Variants in SPOCK1 observed in about 807,000 individuals in gnomAD.
SPOCK1 encodes SPARC (osteonectin), cwcv and kazal like domains proteoglycan 1.
A neutral mutation model predicts 55.3 loss-of-function variants in SPOCK1; 23 were observed. That is an observed-to-expected ratio of 0.42 (90% CI 0.30 to 0.59). The LOEUF is 0.59. Among genes scored for constraint, SPOCK1 ranks in the 20% least tolerant of loss-of-function variants. The pLI is 0.22. For synonymous variants in SPOCK1, 226 were observed against 221.0 expected, an observed-to-expected ratio of 1.02 and a Z score of -0.20; for missense variants, 499 against 552.5, an observed-to-expected ratio of 0.90 and a Z score of 0.97.
At chr5:137,097,933 C>T (rs1253746178) in intron 5 of SPOCK1, among the ~76,000 whole-genome samples, 4 of 152,116 alleles carry the variant, frequency 2.6e-5, no homozygotes, top group Non-Finnish European at 5.9e-5. Context: ...CCCACCTACC[C>T]GAGAGCAGAA....
chr5:137,377,161 C>T (rs549179470), intron 2 of SPOCK1, among the ~76,000 whole-genome samples: 1 of 152,310 alleles, frequency 6.6e-6, no homozygotes, highest in East Asian at 1.9e-4. Context: ...TTAATTGTAC[C>T]AGCACTTCCA....
intron 2 of SPOCK1, among the ~76,000 whole-genome samples, chr5:137,396,943 A>G (rs1246772860): frequency 2.0e-5 from 3 of 152,212 alleles, no homozygotes; most frequent in Non-Finnish European, 4.4e-5. Flanking sequence ...TTACGCGTTT[A>G]TACTTTGAAT....
chr5:137,035,579 G>C (rs1392388015), intron 6 of SPOCK1, among the ~76,000 whole-genome samples: 2 of 152,204 alleles, frequency 1.3e-5, no homozygotes, highest in Non-Finnish European at 2.9e-5. Flanking sequence ...TGGCCTGTCT[G>C]CCAGACCATC....
intron 3 of SPOCK1, among the ~76,000 whole-genome samples, chr5:137,254,053 CTG>C (rs1445687618): frequency 2.6e-5 from 4 of 152,200 alleles, no homozygotes; most frequent in Admixed American, 1.3e-4. Flanking sequence ...TCATTACAAA[CTG>C]GGAATTTCTC....
intron 2 of SPOCK1, among the ~76,000 whole-genome samples, chr5:137,456,199 A>C (rs997230681): frequency 2.0e-5 from 3 of 152,172 alleles, no homozygotes; most frequent in African/African-American, 7.2e-5. Flanking sequence ...AGCTGTCCAC[A>C]GTGTTTAATT....
chr5:137,032,605 C>T (rs147950705), intron 6 of SPOCK1, among the ~76,000 whole-genome samples: 92 of 152,114 alleles, frequency 6.0e-4, no homozygotes, highest in Middle Eastern at 3.4e-3. Context: ...ACGGTACTCA[C>T]GAGAAAACCA....
intron 5 of SPOCK1, among the ~76,000 whole-genome samples, chr5:137,103,043 T>C (rs1312407098): frequency 6.6e-6 from 1 of 152,080 alleles, no homozygotes; most frequent in Non-Finnish European, 1.5e-5. Context: ...CAGGCTAGAG[T>C]GCAATGGTGT....
intron 6 of SPOCK1, among the ~76,000 whole-genome samples, chr5:137,054,869 T>A (rs1453516879): frequency 1.3e-5 from 2 of 152,134 alleles, no homozygotes. Flanking sequence ...AAAGATAAAT[T>A]AGACATAATC....
chr5:137,290,291 AGAT>A (rs949887485), intron 2 of SPOCK1, among the ~76,000 whole-genome samples: 15 of 152,216 alleles, frequency 9.9e-5, no homozygotes, highest in African/African-American at 2.4e-4. Context: ...GCATTACCAG[AGAT>A]GATATTACCT....
intron 6 of SPOCK1, among the ~76,000 whole-genome samples, chr5:137,009,841 T>G (rs1470131688): frequency 6.6e-6 from 1 of 152,136 alleles, no homozygotes; most frequent in African/African-American, 2.4e-5. Context: ...GATACAAAGA[T>G]GATTAAGACA....
chr5:137,129,636 T>A (rs1436355838), intron 4 of SPOCK1, among the ~76,000 whole-genome samples: 2 of 152,104 alleles, frequency 1.3e-5, no homozygotes, highest in East Asian at 3.9e-4. Flanking sequence ...GAGTTGTGAG[T>A]CCCAGGTCCA....
At chr5:137,036,443 C>A (rs1355312185) in intron 6 of SPOCK1, among the ~76,000 whole-genome samples, 1 of 152,186 alleles carries the variant, frequency 6.6e-6, no homozygotes, top group Non-Finnish European at 1.5e-5. Flanking sequence ...GCTCTCTCTA[C>A]TTTCCTTCCT....
intron 2 of SPOCK1, among the ~76,000 whole-genome samples, chr5:137,452,277 A>ATGAGC (rs1446647965): frequency 6.6e-6 from 1 of 152,214 alleles, no homozygotes; most frequent in East Asian, 1.9e-4. Context: ...ATATGATTAG[A>ATGAGC]TGAGCTTTTT....
At chr5:137,490,831 C>G (rs1380420245) in intron 2 of SPOCK1, among the ~76,000 whole-genome samples, 5 of 152,008 alleles carry the variant, frequency 3.3e-5, no homozygotes, top group Non-Finnish European at 5.9e-5. Context: ...TGGAAAATAA[C>G]AAAGAATGGG....
chr5:137,345,252 T>C (rs1750530570), intron 2 of SPOCK1, among the ~76,000 whole-genome samples: 1 of 152,214 alleles, frequency 6.6e-6, no homozygotes, highest in South Asian at 2.1e-4. Flanking sequence ...AGAATATGAC[T>C]GCCTTTAAAC....
At chr5:137,418,059 A>G (rs1377663921) in intron 2 of SPOCK1, among the ~76,000 whole-genome samples, 4 of 151,628 alleles carry the variant, frequency 2.6e-5, no homozygotes, top group Admixed American at 2.6e-4. Flanking sequence ...GTGGTGTTTG[A>G]TTTGTTGTCC....
At chr5:137,274,433 T>C (rs2961645) in intron 2 of SPOCK1, among the ~76,000 whole-genome samples, 130,346 of 152,188 alleles carry the variant, frequency 0.86, 56,124 homozygotes, top group African/African-American at 0.94. Context: ...AGTCAATTTC[T>C]TTATCCATAA....
At chr5:137,179,722 A>G (rs1425155482) in intron 3 of SPOCK1, among the ~76,000 whole-genome samples, 2 of 152,170 alleles carry the variant, frequency 1.3e-5, no homozygotes, top group Non-Finnish European at 2.9e-5. Context: ...ACCTGCTCCA[A>G]GCCCCACCTA....
chr5:137,041,142 T>C (rs989253830), intron 6 of SPOCK1, among the ~76,000 whole-genome samples: 1 of 152,082 alleles, frequency 6.6e-6, no homozygotes, highest in Non-Finnish European at 1.5e-5. Context: ...ATGGTTGTGG[T>C]GGAAAAAAAA....
Sources: allele counts gnomAD v4.1 joint callset (sites outside exome capture counted in the v4.1 genomes callset), GRCh38; gene constraint gnomAD v4.1.1; transcripts MANE v1.5; gene names NCBI Gene and HGNC (gene_info 2026-07-23, HGNC 2026-07-21).